Variants in NCAM2 observed in about 807,000 individuals in gnomAD.
NCAM2 encodes the protein neural cell adhesion molecule 2, also known as N-CAM-2.
NCAM2 carries 30 observed loss-of-function variants against 98.1 expected under a neutral mutation model. The observed-to-expected ratio is 0.31, with a 90% confidence interval of 0.23 to 0.41. The LOEUF (loss-of-function observed/expected upper bound fraction) is 0.41. Among genes scored for constraint, NCAM2 ranks in the 10% least tolerant of loss-of-function variants. The pLI is 1.00. For missense variants in NCAM2, 867 were observed against 1,005.8 expected, an observed-to-expected ratio of 0.86 and a Z score of 1.87; for synonymous variants, 368 against 342.4, an observed-to-expected ratio of 1.07 and a Z score of -0.83.
rs776625751 is a variant in NCAM2, at chr21:21,373,971, A to G, written c.1153A>G (p.Arg385Gly). 1 of 1,611,222 alleles carries G rather than the reference A, an allele frequency of 6.2e-7. No individual in the cohort carries two copies. The highest frequency in any genetic ancestry group is 2.2e-5 in the East Asian group (1 of 44,752). The change falls in exon 9 of 18, where the codon AGA becomes GGA. Residue 385 changes from arginine (R) to glycine (G), a missense_variant. Around this residue, in one of 5 missense-constraint regions of NCAM2, gnomAD observed 447 missense variants for 495.7 expected, o/e 0.90. Coordinates refer to ENST00000400546, the MANE Select transcript of NCAM2 (RefSeq NM_004540.5). Reference sequence around the variant, plus strand: ...GAGATATGACTGTGAAGCTGCAAGCAGAATTGGAGGGCATCAAAAGAGCAT... The same window carrying G: ...GAGATATGACTGTGAAGCTGCAAGCGGAATTGGAGGGCATCAAAAGAGCAT... ...SGRYDCEAAS[R>G]IGGHQKSMYL...
intron 16 of NCAM2, among the ~76,000 whole-genome samples, chr21:21,524,260 A>G (rs1989194721): frequency 6.6e-6 from 1 of 152,096 alleles, no homozygotes; most frequent in African/African-American, 2.4e-5. Context: ...TAATGGGGTC[A>G]TTTCTCAAGG....
rs367720835 is a variant in NCAM2, at chr21:21,457,512, C to T, written c.1655-9094C>T. ...AAAATTAGCTGGGCTTGGTGGCATG[C>T]GCCTGTAATCCCAGCTACTCAGGAG... On this transcript the variant is annotated intron_variant, in intron 12 of 17. Coordinates refer to ENST00000400546, the MANE Select transcript of NCAM2 (RefSeq NM_004540.5). 8.9e-4 allele frequency among the ~76,000 whole-genome samples: 135 copies of T among 152,046 alleles called. No homozygotes were observed. The East Asian group carries it at 0.02, about 22-fold the overall frequency.
At chr21:21,040,532 A>G (rs1291030253) in intron 1 of NCAM2, among the ~76,000 whole-genome samples, 1 of 152,190 alleles carries the variant, frequency 6.6e-6, no homozygotes, top group African/African-American at 2.4e-5. Context: ...GATATAGGAC[A>G]AACCTACATG....
At chr21:21,099,863 A>G (rs2066203954) in intron 1 of NCAM2, among the ~76,000 whole-genome samples, 1 of 151,680 alleles carries the variant, frequency 6.6e-6, no homozygotes, top group South Asian at 2.1e-4. Flanking sequence ...CTTCTACACT[A>G]CTGACCGTAC....
intron 8 of NCAM2, among the ~76,000 whole-genome samples, chr21:21,363,333 T>C (rs563479237): frequency 2.6e-5 from 4 of 152,264 alleles, no homozygotes; most frequent in Admixed American, 1.3e-4. Context: ...TAGATCAGCA[T>C]CATAAGTTGT....
At chr21:21,117,856 TAA>T (rs1210193738) in intron 1 of NCAM2, among the ~76,000 whole-genome samples, 61 of 152,322 alleles carry the variant, frequency 4.0e-4, no homozygotes, top group Admixed American at 1.9e-3. Flanking sequence ...GTCACCAATT[TAA>T]ACAAGGATAT....
intron 1 of NCAM2, among the ~76,000 whole-genome samples, chr21:21,161,579 GTA>G (rs1555894395): frequency 7.0e-6 from 1 of 142,258 alleles, no homozygotes; most frequent in African/African-American, 2.6e-5. Context: ...GTGTGTGTGT[GTA>G]TGTGAGAGAG....
chr21:21,332,789 C>G (rs73322740), intron 6 of NCAM2, among the ~76,000 whole-genome samples: 2 of 152,184 alleles, frequency 1.3e-5, no homozygotes, highest in African/African-American at 2.4e-5. Flanking sequence ...TGAAAACTCT[C>G]TTCAGGCAGT....
chr21:21,414,549 C>CA (rs2076950848), intron 10 of NCAM2, among the ~76,000 whole-genome samples: 1 of 150,654 alleles, frequency 6.6e-6, no homozygotes, highest in Non-Finnish European at 1.5e-5. Context: ...CCACTCACTG[C>CA]ACCTCCGCTT....
chr21:21,279,663 A>T (rs2072859628), intron 1 of NCAM2, among the ~76,000 whole-genome samples: 1 of 152,090 alleles, frequency 6.6e-6, no homozygotes, highest in Non-Finnish European at 1.5e-5. Flanking sequence ...GTTCTATCAC[A>T]GCCTGTTGTT....
At chr21:21,354,758 C>T (rs191784504) in intron 8 of NCAM2, among the ~76,000 whole-genome samples, 2 of 152,302 alleles carry the variant, frequency 1.3e-5, no homozygotes, top group Admixed American at 6.5e-5. Context: ...AAATAATATG[C>T]TTCACTTCAC....
At chr21:21,385,975 T>C (rs2076263256) in intron 9 of NCAM2, among the ~76,000 whole-genome samples, 1 of 152,122 alleles carries the variant, frequency 6.6e-6, no homozygotes, top group Non-Finnish European at 1.5e-5. Context: ...GACATAATGG[T>C]GATTTGTAAA....
intron 4 of NCAM2, among the ~76,000 whole-genome samples, chr21:21,289,269 A>G (rs1435265613): frequency 6.6e-6 from 1 of 151,974 alleles, no homozygotes; most frequent in South Asian, 2.1e-4. Context: ...AGTGTACCAG[A>G]TGATTATGAT....
rs1359388677 is a variant in NCAM2, at chr21:21,152,393, C to T, written c.56-128185C>T. On this transcript the variant is annotated intron_variant, in intron 1 of 17. Coordinates refer to ENST00000400546, the MANE Select transcript of NCAM2 (RefSeq NM_004540.5). Reference sequence around the variant, plus strand: ...ATATATTTCTGTGGATATATTTTCTCCTGCTTGTGGGTCACATTTCCATGA... The same window carrying T: ...ATATATTTCTGTGGATATATTTTCTTCTGCTTGTGGGTCACATTTCCATGA... Among the ~76,000 whole-genome samples the T allele has an allele frequency of 2.0e-5, 3 of 149,462 alleles. No individual in the cohort carries two copies. In the East Asian group the frequency reaches 5.8e-4, roughly 29 times the overall value.
chr21:21,012,772 T>G (rs928495648), intron 1 of NCAM2, among the ~76,000 whole-genome samples: 2 of 152,184 alleles, frequency 1.3e-5, no homozygotes, highest in African/African-American at 4.8e-5. Flanking sequence ...CTCATTTTTC[T>G]GATAGCATAT....
At chr21:21,061,796 A>G (rs181103768) in intron 1 of NCAM2, among the ~76,000 whole-genome samples, 50 of 152,248 alleles carry the variant, frequency 3.3e-4, no homozygotes, top group Non-Finnish European at 5.4e-4. Context: ...TTACTTAGTT[A>G]TATTAATCTA....
intron 1 of NCAM2, among the ~76,000 whole-genome samples, chr21:21,010,666 A>T (rs942341386): frequency 6.6e-6 from 1 of 152,090 alleles, no homozygotes; most frequent in Non-Finnish European, 1.5e-5. Context: ...TGATTAGTCA[A>T]GTTTCACTTG....
chr21:21,293,942 CTAT>C (rs1357802232), intron 5 of NCAM2, among the ~76,000 whole-genome samples: 1 of 151,190 alleles, frequency 6.6e-6, no homozygotes, highest in Non-Finnish European at 1.5e-5. Flanking sequence ...TAAGTATTTC[CTAT>C]TATTGTTATT....
At chr21:21,052,909 A>G (rs897233249) in intron 1 of NCAM2, among the ~76,000 whole-genome samples, 14 of 152,152 alleles carry the variant, frequency 9.2e-5, no homozygotes, top group Admixed American at 5.2e-4. Flanking sequence ...AGTATTCATA[A>G]GCCTCATATA....
Sources: gnomAD v4.1 joint callset for allele counts (sites outside exome capture counted in the v4.1 genomes callset) on GRCh38, gnomAD v4.1.1 for gene constraint, gnomAD v4.1.1 regional missense constraint, MANE v1.5 for transcripts, NCBI Gene and HGNC (gene_info 2026-07-23, HGNC 2026-07-21) for gene names.